The following PRKAA2 variants were observed in gnomAD, a reference collection of about 807,000 sequenced individuals.
PRKAA2 encodes the protein protein kinase AMP-activated catalytic subunit alpha 2.
A neutral mutation model predicts 56.3 loss-of-function variants in PRKAA2; 40 were observed. The ratio of observed to expected loss-of-function variants is 0.71; its 90% CI spans 0.55 to 0.92. PRKAA2 has a LOEUF of 0.92. Among genes scored for constraint, PRKAA2 ranks in the 40% least tolerant of loss-of-function variants. The pLI, the probability that PRKAA2 is intolerant of heterozygous loss-of-function variation, is 0.00. For missense variants in PRKAA2, 542 were observed against 686.9 expected, an observed-to-expected ratio of 0.79 and a Z score of 2.36; for synonymous variants, 214 against 234.2, an observed-to-expected ratio of 0.91 and a Z score of 0.79.
intron 6 of PRKAA2, among the ~76,000 whole-genome samples, chr1:56,701,339 G>T (rs1644292217): frequency 6.6e-6 from 1 of 151,960 alleles, no homozygotes; most frequent in African/African-American, 2.4e-5. Context: ...AGGTTGCAGT[G>T]AGCCAAGATT....
At position 56,701,351 on chromosome 1, in the gene PRKAA2, C is replaced by T. The variant is rs181407788; in HGVS notation, c.789-2620C>T. On this transcript the variant is annotated intron_variant, in intron 6 of 8. Coordinates refer to ENST00000371244, the MANE Select transcript of PRKAA2 (RefSeq NM_006252.4). Reference sequence around the variant, plus strand: ...CAGAGGTTGCAGTGAGCCAAGATTGCGCTACTGCACTCCAGCCTGGGTGAC... The same window carrying T: ...CAGAGGTTGCAGTGAGCCAAGATTGTGCTACTGCACTCCAGCCTGGGTGAC... Among the ~76,000 whole-genome samples, 437 of 151,214 alleles carry T rather than the reference C, an allele frequency of 2.9e-3. 2 individuals are homozygous for T. The highest frequency in any genetic ancestry group is 4.4e-3 in the Non-Finnish European group (300 of 67,724).
At chr1:56,651,897 A>C (rs1283546461) in intron 1 of PRKAA2, among the ~76,000 whole-genome samples, 1 of 150,472 alleles carries the variant, frequency 6.6e-6, no homozygotes, top group Non-Finnish European at 1.5e-5. Context: ...GCTGGAGTGC[A>C]GTGGTGCTAT....
At chr1:56,658,951 T>C (rs1438800940) in intron 1 of PRKAA2, among the ~76,000 whole-genome samples, 1 of 151,208 alleles carries the variant, frequency 6.6e-6, no homozygotes. Flanking sequence ...AGTGCCACCA[T>C]GCCCGGCTAA....
chr1:56,653,888 A>G (rs1217846456), intron 1 of PRKAA2, among the ~76,000 whole-genome samples: 1 of 152,114 alleles, frequency 6.6e-6, no homozygotes, highest in Non-Finnish European at 1.5e-5. Context: ...TATATTTTGT[A>G]TACATACATA....
intron 2 of PRKAA2, among the ~76,000 whole-genome samples, chr1:56,683,419 G>A (rs1178346175): frequency 6.6e-6 from 1 of 152,106 alleles, no homozygotes; most frequent in Admixed American, 6.6e-5. Context: ...GGAATATGGT[G>A]TATTGGGAAC....
chr1:56,710,897 A>G lies in PRKAA2; in HGVS notation c.*3184A>G, dbSNP rs1644365235. The G allele has an allele frequency of 6.6e-6, 1 of 152,070 alleles. No individual in the cohort carries two copies. The highest frequency in any genetic ancestry group is 1.5e-5 in the Non-Finnish European group (1 of 67,958). The allele number at this position is 152,070 out of a possible 1,614,324, so 9.4% of individuals were successfully genotyped here. On this transcript the variant is annotated 3_prime_UTR_variant, in exon 9 of 9. Coordinates refer to ENST00000371244, the MANE Select transcript of PRKAA2 (RefSeq NM_006252.4). The stretch of plus-strand genomic sequence containing the variant: ...AATGTGTAGTCAGTGAACATTTTCT[A>G]AATACTTTTCTTTGGGATACCATAT...
At chr1:56,662,863 G>A (rs1644005973) in intron 1 of PRKAA2, among the ~76,000 whole-genome samples, 1 of 152,096 alleles carries the variant, frequency 6.6e-6, no homozygotes. Flanking sequence ...AATTGCCCTT[G>A]TTTGATGAGA....
At chr1:56,675,201 T>G (rs1644104811) in intron 2 of PRKAA2, among the ~76,000 whole-genome samples, 1 of 152,176 alleles carries the variant, frequency 6.6e-6, no homozygotes, top group Admixed American at 6.5e-5. Flanking sequence ...CATTTAAAGT[T>G]GCAGTTTAAT....
chr1:56,706,295 A>G (rs1260979890), intron 8 of PRKAA2, 77 bp downstream of exon 8: 2 of 1,534,882 alleles, frequency 1.3e-6, no homozygotes, highest in South Asian at 1.2e-5. Flanking sequence ...AATCATCTCG[A>G]AGACATCCGG....
chr1:56,697,311 G>A (rs567555066), intron 6 of PRKAA2, among the ~76,000 whole-genome samples: 3 of 151,958 alleles, frequency 2.0e-5, no homozygotes, highest in African/African-American at 7.2e-5. Context: ...AGTGTGAGTC[G>A]TTGCACCCAG....
intron 1 of PRKAA2, among the ~76,000 whole-genome samples, chr1:56,657,766 A>G (rs1011749726): frequency 1.3e-5 from 2 of 152,190 alleles, no homozygotes; most frequent in Non-Finnish European, 2.9e-5. Flanking sequence ...GAAGGAAGGA[A>G]GGCAAAATGC....
At chr1:56,700,060 C>T (rs1644284100) in intron 6 of PRKAA2, among the ~76,000 whole-genome samples, 1 of 152,152 alleles carries the variant, frequency 6.6e-6, no homozygotes. Flanking sequence ...CATTTACATA[C>T]ACAGTTTGTA....
chr1:56,661,059 C>T (rs996834576), intron 1 of PRKAA2, among the ~76,000 whole-genome samples: 3 of 152,010 alleles, frequency 2.0e-5, no homozygotes, highest in Non-Finnish European at 4.4e-5. Flanking sequence ...CATTACATAA[C>T]GCTGCTGATC....
At chr1:56,669,938 A>C (rs1003653117) in intron 1 of PRKAA2, among the ~76,000 whole-genome samples, 2 of 152,160 alleles carry the variant, frequency 1.3e-5, no homozygotes, top group African/African-American at 4.8e-5. Flanking sequence ...ACAATTCTTC[A>C]CCTTATCAAA....
intron 3 of PRKAA2, among the ~76,000 whole-genome samples, 168 bp from the exon 4 acceptor site, chr1:56,692,190 C>A (rs531647461): frequency 6.6e-6 from 1 of 152,122 alleles, no homozygotes; most frequent in Admixed American, 6.5e-5. Flanking sequence ...TGTCACCATG[C>A]CCGGCTAATT....
chr1:56,658,447 T>G (rs961859883), intron 1 of PRKAA2, among the ~76,000 whole-genome samples: 1 of 152,162 alleles, frequency 6.6e-6, no homozygotes, highest in African/African-American at 2.4e-5. Context: ...TTTATGACGC[T>G]TTGGGATAAG....
rs1446180713 is a variant in PRKAA2, at chr1:56,709,303, G to A, written c.*1590G>A. The stretch of plus-strand genomic sequence containing the variant: ...CTATCTTTAAATATTCTTTGAATCA[G>A]GAGTTTGCGTTGTGTCACATCATAT... On this transcript the variant is annotated 3_prime_UTR_variant, in exon 9 of 9. Transcript: ENST00000371244. 6.6e-6 allele frequency: 1 copy of A among 152,158 alleles called. No individual in the cohort carries two copies. Among genetic ancestry groups the A allele is most frequent in the African/African-American group, 2.4e-5 (1 of 41,448 alleles). The allele number at this position is 152,158 out of a possible 1,614,324, so 9.4% of individuals were successfully genotyped here.
At chr1:56,691,777 CAT>C (rs1419525800) in intron 3 of PRKAA2, among the ~76,000 whole-genome samples, 4 of 152,134 alleles carry the variant, frequency 2.6e-5, no homozygotes, top group African/African-American at 9.7e-5. Context: ...AGCACTTTCA[CAT>C]ATGTTCTGTT....
At chr1:56,652,255 C>T (rs1196862733) in intron 1 of PRKAA2, among the ~76,000 whole-genome samples, 1 of 152,058 alleles carries the variant, frequency 6.6e-6, no homozygotes, top group Non-Finnish European at 1.5e-5. Context: ...TCGTAATACG[C>T]CCGCCTCAGC....
Sources: gnomAD v4.1 joint callset for allele counts (sites outside exome capture counted in the v4.1 genomes callset) on GRCh38, gnomAD v4.1.1 for gene constraint, MANE v1.5 for transcripts, NCBI Gene and HGNC (gene_info 2026-07-23, HGNC 2026-07-21) for gene names.